The following TGS1 variants were observed in gnomAD, a reference collection of about 807,000 sequenced individuals.
TGS1 encodes trimethylguanosine synthase 1.
TGS1 carries 69 observed loss-of-function variants against 92.2 expected under a neutral mutation model. The ratio of observed to expected loss-of-function variants is 0.75; its 90% CI spans 0.62 to 0.91. TGS1 has a LOEUF of 0.91. Among genes scored for constraint, TGS1 ranks in the 40% least tolerant of loss-of-function variants. The pLI is 0.00. For synonymous variants in TGS1, 345 were observed against 338.1 expected (o/e 1.02, Z -0.22); for missense variants, 1,062 against 1,001.2 (o/e 1.06, Z -0.82).
intron 11 of TGS1, 75 bp from the exon 12 acceptor site, chr8:55,812,965 T>C (rs1039490219): frequency 9.2e-7 from 1 of 1,092,476 alleles, no homozygotes; most frequent in Admixed American, 1.9e-5. Flanking sequence ...ATTTGAGTTA[T>C]GATAAGTAAA....
intron 9 of TGS1, among the ~76,000 whole-genome samples, chr8:55,803,847 A>G (rs897475887): frequency 6.6e-6 from 1 of 152,022 alleles, no homozygotes; most frequent in African/African-American, 2.4e-5. Flanking sequence ...AAGCACTACC[A>G]TGCTTGGCTA....
chr8:55,805,090 T>A, intron 10 of TGS1, 54 bp downstream of exon 10: 2 of 1,526,520 alleles, frequency 1.3e-6, no homozygotes, highest in Non-Finnish European at 1.8e-6. Flanking sequence ...ATTCAGTAAA[T>A]GTTTCCATTT....
At chr8:55,778,091 G>A (rs1197109197) in intron 1 of TGS1, among the ~76,000 whole-genome samples, 2 of 151,968 alleles carry the variant, frequency 1.3e-5, no homozygotes, top group African/African-American at 4.8e-5. Flanking sequence ...GGGCAACATG[G>A]CGAAACCCCA....
chr8:55,813,664 TTG>T (rs1198932087), intron 12 of TGS1, among the ~76,000 whole-genome samples: 1 of 152,220 alleles, frequency 6.6e-6, no homozygotes, highest in African/African-American at 2.4e-5. Context: ...CTGATGTTTT[TTG>T]TGTTTTTTAT....
intron 12 of TGS1, among the ~76,000 whole-genome samples, chr8:55,821,504 T>C (rs554431562): frequency 6.6e-6 from 1 of 152,218 alleles, no homozygotes; most frequent in East Asian, 1.9e-4. Flanking sequence ...CTCTGAAAGG[T>C]ATTAAGAAAA....
chr8:55,790,450 C>T, intron 5 of TGS1, 151 bp downstream of exon 5: 2 of 612,984 alleles, frequency 3.3e-6, no homozygotes, highest in South Asian at 4.1e-5. Context: ...AGCCTTTGGA[C>T]CTGGACCTGT....
At chr8:55,808,820 TC>T (rs1803262029) in intron 10 of TGS1, among the ~76,000 whole-genome samples, 2 of 152,006 alleles carry the variant, frequency 1.3e-5, no homozygotes, top group Admixed American at 1.3e-4. Flanking sequence ...TGTAGTGGGG[TC>T]CCATAATTTG....
rs537555122 is a variant in TGS1, at chr8:55,788,533, G to A, written c.1162+1473G>A. ...TGCAGTGGCACTATCTCAGCTCACT[G>A]CAAGGTCCGCCTCCGGGGCTCAAGC... is the stretch of plus-strand genomic sequence containing the variant. On this transcript the variant is annotated intron_variant, in intron 4 of 12. Coordinates refer to ENST00000260129, the MANE Select transcript of TGS1 (RefSeq NM_024831.8). Among the ~76,000 whole-genome samples the A allele has an allele frequency of 9.7e-5, 14 of 143,792 alleles. No homozygotes were observed. In the South Asian group the frequency reaches 3.1e-3, roughly 32 times the overall value. The allele number at this position is 143,792 out of a possible 152,430, so 94.3% of individuals were successfully genotyped here.
intron 1 of TGS1, among the ~76,000 whole-genome samples, chr8:55,782,147 T>G (rs1811581884): frequency 2.6e-3 from 2 of 766 alleles, no homozygotes; most frequent in African/African-American, 0.042. Flanking sequence ...GAACTTACAC[T>G]TTATTTATTT....
Position 55,779,200 on chromosome 8 carries a change from A to G in TGS1, c.102-3548A>G, listed in dbSNP as rs114812069. 2.0e-3 allele frequency among the ~76,000 whole-genome samples: 300 copies of G among 152,328 alleles called. 2 individuals carry two copies. Among genetic ancestry groups the G allele is most frequent in the African/African-American group, 6.9e-3 (286 of 41,572 alleles). On this transcript the variant is annotated intron_variant, in intron 1 of 12. Coordinates refer to ENST00000260129, the MANE Select transcript of TGS1 (RefSeq NM_024831.8). ...TTATAGAGACTACTTAGCAAGTATAATGGAAATTCTTCAAATGCCAGGCAT... is the reference window on the plus strand; with the variant it reads ...TTATAGAGACTACTTAGCAAGTATAGTGGAAATTCTTCAAATGCCAGGCAT...
chr8:55,814,178 G>C (rs949447250), intron 12 of TGS1, among the ~76,000 whole-genome samples: 1 of 152,068 alleles, frequency 6.6e-6, no homozygotes, highest in East Asian at 1.9e-4. Context: ...AAAATTAAAG[G>C]CTCAAGCAAT....
At chr8:55,810,750 G>A (rs938755571) in intron 10 of TGS1, 131 bp from the exon 11 acceptor site, 2 of 705,436 alleles carry the variant, frequency 2.8e-6, no homozygotes, top group African/African-American at 1.8e-5. Flanking sequence ...TCGGGTATAT[G>A]TGGCCAAATG....
intron 1 of TGS1, among the ~76,000 whole-genome samples, chr8:55,779,167 A>T (rs1811483857): frequency 6.6e-6 from 1 of 152,242 alleles, no homozygotes; most frequent in East Asian, 1.9e-4. Flanking sequence ...TCAAACTCAA[A>T]GACAGCTTTA....
At chr8:55,805,461 A>G (rs1812339512) in intron 10 of TGS1, among the ~76,000 whole-genome samples, 1 of 152,246 alleles carries the variant, frequency 6.6e-6, no homozygotes, top group Admixed American at 6.5e-5. Context: ...AAATATGCAC[A>G]AATCTGTTAT....
intron 1 of TGS1, among the ~76,000 whole-genome samples, chr8:55,778,405 T>A (rs757682509): frequency 1.3e-5 from 2 of 152,320 alleles, no homozygotes; most frequent in Middle Eastern, 6.8e-3. Context: ...ATTAAGGTAT[T>A]TAAGTAGTCT....
At chr8:55,815,043 G>T (rs1202610944) in intron 12 of TGS1, among the ~76,000 whole-genome samples, 1 of 152,010 alleles carries the variant, frequency 6.6e-6, no homozygotes, top group African/African-American at 2.4e-5. Context: ...CGTCTCATCA[G>T]AGACGATGTG....
chr8:55,805,637 G>A (rs926513744), intron 10 of TGS1, among the ~76,000 whole-genome samples: 1 of 152,108 alleles, frequency 6.6e-6, no homozygotes, highest in Non-Finnish European at 1.5e-5. Context: ...TGTAATCCCG[G>A]CACTTTGGTA....
chr8:55,775,521 A>G (rs750874221), intron 1 of TGS1, among the ~76,000 whole-genome samples: 1 of 152,170 alleles, frequency 6.6e-6, no homozygotes, highest in Non-Finnish European at 1.5e-5. Context: ...AGAAAGAAAG[A>G]AAGATGGGAG....
chr8:55,779,215 A>G (rs1396062957), intron 1 of TGS1, among the ~76,000 whole-genome samples: 1 of 152,214 alleles, frequency 6.6e-6, no homozygotes. Context: ...AATTCTTCAA[A>G]TGCCAGGCAT....
Sources: allele counts gnomAD v4.1 joint callset (sites outside exome capture counted in the v4.1 genomes callset), GRCh38; gene constraint gnomAD v4.1.1; transcripts MANE v1.5; gene names NCBI Gene and HGNC (gene_info 2026-07-23, HGNC 2026-07-21).